The following STAU2 variants were observed in gnomAD, a reference collection of about 807,000 sequenced individuals.
STAU2 encodes staufen double-stranded RNA binding protein 2.
A neutral mutation model predicts 65.9 loss-of-function variants in STAU2; 20 were observed. The ratio of observed to expected loss-of-function variants is 0.30; its 90% CI spans 0.21 to 0.44. The LOEUF is 0.44. Among genes scored for constraint, STAU2 ranks in the 20% least tolerant of loss-of-function variants. The pLI is 1.00. For missense variants in STAU2, 558 were observed against 683.9 expected (o/e 0.82, Z 2.05); for synonymous variants, 232 against 233.9 (o/e 0.99, Z 0.07).
chr8:73,553,714 A>G (rs1026853275), intron 12 of STAU2, among the ~76,000 whole-genome samples: 19 of 151,728 alleles, frequency 1.3e-4, no homozygotes, highest in African/African-American at 4.1e-4. Flanking sequence ...TCTGCTTGAC[A>G]TTGTCTGCTA....
intron 6 of STAU2, among the ~76,000 whole-genome samples, chr8:73,620,928 G>C (rs1200439798): frequency 6.6e-6 from 1 of 152,152 alleles, no homozygotes; most frequent in Admixed American, 6.5e-5. Context: ...TTGAATTACA[G>C]GGGAGATGAT....
chr8:73,686,499 G>C lies in STAU2; in HGVS notation c.274+2155C>G, dbSNP rs186391846. 1.8e-3 allele frequency among the ~76,000 whole-genome samples: 274 copies of C among 151,130 alleles called. 1 individual carries two copies. Among genetic ancestry groups the C allele is most frequent in the Non-Finnish European group, 3.0e-3 (201 of 67,888 alleles). The stretch of plus-strand genomic sequence containing the variant: ...CGGGAGGCAGAGGTTACAGTGAGCC[G>C]AGATTGCACCACTGCACTCCAGCCT... On this transcript the variant is annotated intron_variant, in intron 5 of 14. Transcript: ENST00000524300.
At chr8:73,520,017 A>G (rs1363227919) in intron 13 of STAU2, among the ~76,000 whole-genome samples, 1 of 152,232 alleles carries the variant, frequency 6.6e-6, no homozygotes, top group Non-Finnish European at 1.5e-5. Context: ...TGACAGAACA[A>G]TTAAAATTAC....
chr8:73,546,123 C>CTTTTTTTTTTTTTTTTTTTTTT (rs71561528), intron 13 of STAU2, among the ~76,000 whole-genome samples: 2 of 93,290 alleles, frequency 2.1e-5, no homozygotes, highest in Non-Finnish European at 3.8e-5. Flanking sequence ...GTTTGGTTTT[C>CTTTTTTTTTTTTTTTTTTTTTT]TTTTTTTTTT....
At chr8:73,680,494 C>T (rs1234457360) in intron 5 of STAU2, among the ~76,000 whole-genome samples, 1 of 152,104 alleles carries the variant, frequency 6.6e-6, no homozygotes, top group Non-Finnish European at 1.5e-5. Context: ...TTGCCTCTGA[C>T]ACAGTATATC....
intron 6 of STAU2, chr8:73,651,489 C>A (rs560459143): frequency 2.9e-6 from 2 of 698,290 alleles, no homozygotes; most frequent in African/African-American, 1.8e-5. Flanking sequence ...AGCCTCTTCT[C>A]GGAGTCACTG....
intron 12 of STAU2, among the ~76,000 whole-genome samples, chr8:73,568,805 T>A (rs1284970020): frequency 1.3e-5 from 2 of 152,170 alleles, no homozygotes; most frequent in African/African-American, 2.4e-5. Flanking sequence ...TTTCAAAAAA[T>A]GAAACTATAA....
At chr8:73,588,095 A>G (rs1018843979) in intron 11 of STAU2, among the ~76,000 whole-genome samples, 1 of 152,222 alleles carries the variant, frequency 6.6e-6, no homozygotes, top group African/African-American at 2.4e-5. Context: ...AGAGTATTCC[A>G]CTTTTCCTTA....
intron 13 of STAU2, among the ~76,000 whole-genome samples, chr8:73,447,068 A>G (rs1028558484): frequency 1.3e-5 from 2 of 152,096 alleles, no homozygotes; most frequent in Non-Finnish European, 2.9e-5. Context: ...CAGCCTCCCA[A>G]GTAGCTGGGA....
chr8:73,575,000 T>C (rs1430031203), intron 12 of STAU2, among the ~76,000 whole-genome samples: 1 of 151,390 alleles, frequency 6.6e-6, no homozygotes, highest in East Asian at 1.9e-4. Flanking sequence ...AACTTACACA[T>C]GCTATAAAAG....
At chr8:73,465,140 A>G (rs1166629577) in intron 13 of STAU2, among the ~76,000 whole-genome samples, 2 of 152,192 alleles carry the variant, frequency 1.3e-5, no homozygotes, top group East Asian at 3.8e-4. Context: ...TGAAAGAGAA[A>G]TGAGCCCACC....
intron 5 of STAU2, among the ~76,000 whole-genome samples, chr8:73,674,152 A>C (rs1029965008): frequency 1.3e-5 from 2 of 149,986 alleles, no homozygotes; most frequent in Admixed American, 1.3e-4. Flanking sequence ...AAACTTACTT[A>C]GGAATGGAAG....
intron 13 of STAU2, among the ~76,000 whole-genome samples, chr8:73,459,056 GA>G (rs1193308694): frequency 6.6e-6 from 1 of 152,164 alleles, no homozygotes. Context: ...CTACTTTCAT[GA>G]AAGTAATCAC....
At position 73,617,440 on chromosome 8, in the gene STAU2, G is replaced by A. The variant is rs768471042; in HGVS notation, c.422C>T (p.Pro141Leu). 1.2e-6 allele frequency: 2 copies of A among 1,612,572 alleles called. No individual in the cohort carries two copies. The highest frequency in any genetic ancestry group is 1.1e-5 in the South Asian group (1 of 90,714). Reference protein sequence around the residue: ...RGMYNQRYHCPVPKIFYVQLT... With the variant: ...RGMYNQRYHCLVPKIFYVQLT... Reference sequence around the variant, plus strand: ...CTGAACATAAAAGATCTTAGGCACTGGGCAATGATACCTAAAATAAGAAAA... The same window carrying A: ...CTGAACATAAAAGATCTTAGGCACTAGGCAATGATACCTAAAATAAGAAAA... Residue 141 changes from proline (P) to leucine (L), a missense_variant, in exon 7 of 15, where the codon CCA becomes CTA. Physicochemically the swap from Pro to Leu is moderately conservative, Grantham distance 98. Coordinates refer to ENST00000524300, the MANE Select transcript of STAU2 (RefSeq NM_001164380.2).
chr8:73,487,522 A>G (rs1215647474), intron 13 of STAU2, among the ~76,000 whole-genome samples: 1 of 152,108 alleles, frequency 6.6e-6, no homozygotes, highest in African/African-American at 2.4e-5. Context: ...GTGCCCTTCC[A>G]TTTGATAAAG....
At chr8:73,460,871 A>G (rs903631164) in intron 13 of STAU2, among the ~76,000 whole-genome samples, 1 of 152,176 alleles carries the variant, frequency 6.6e-6, no homozygotes, top group Non-Finnish European at 1.5e-5. Context: ...CGCTTCTGAG[A>G]GCAATTCATT....
At position 73,707,110 on chromosome 8, in the gene STAU2, A is replaced by G. The variant is rs564814492; in HGVS notation, c.114+1922T>C. Among the ~76,000 whole-genome samples the G allele has an allele frequency of 4.6e-5, 7 of 152,324 alleles. No individual in the cohort carries two copies. In the East Asian group the frequency reaches 1.4e-3, roughly 29 times the overall value. On this transcript the variant is annotated intron_variant, in intron 4 of 14. Coordinates refer to ENST00000524300, the MANE Select transcript of STAU2 (RefSeq NM_001164380.2). ...CTGGAGAAATGGCCTTGAAGAGGTGAAACAGGTTGGGATCCAGGACACAAT... is the reference window on the plus strand; with the variant it reads ...CTGGAGAAATGGCCTTGAAGAGGTGGAACAGGTTGGGATCCAGGACACAAT...
chr8:73,731,064 C>T (rs940399644), intron 3 of STAU2, among the ~76,000 whole-genome samples: 4 of 152,170 alleles, frequency 2.6e-5, no homozygotes, highest in African/African-American at 9.7e-5. Context: ...CTTTACTCTG[C>T]ATAGTAGGAA....
At chr8:73,680,708 T>C (rs1257328593) in intron 5 of STAU2, among the ~76,000 whole-genome samples, 1 of 151,854 alleles carries the variant, frequency 6.6e-6, no homozygotes, top group Admixed American at 6.6e-5. Flanking sequence ...TTAAAGAAAT[T>C]TTTAAAATAA....
Sources: gnomAD v4.1 joint callset for allele counts (sites outside exome capture counted in the v4.1 genomes callset) on GRCh38, gnomAD v4.1.1 for gene constraint, MANE v1.5 for transcripts, NCBI Gene and HGNC (gene_info 2026-07-23, HGNC 2026-07-21) for gene names.